Variants in ABLIM1 observed in about 807,000 individuals in gnomAD.
ABLIM1 encodes the protein actin binding LIM protein 1, also known as actin-binding LIM protein 1.
Under a neutral mutation model 107.0 loss-of-function variants are expected in ABLIM1, and 40 were observed. The observed-to-expected ratio is 0.37, with a 90% CI of 0.29 to 0.49. The LOEUF (loss-of-function observed/expected upper bound fraction) is 0.49. ABLIM1 is among the 20% of genes least tolerant of loss of function. ABLIM1 has a pLI of 0.97. For missense variants in ABLIM1, 857 were observed against 1,008.5 expected (o/e 0.85, Z 2.04); for synonymous variants, 357 against 357.3 (o/e 1.00, Z 0.01).
chr10:114,686,986 A>G (rs2080956275), upstream of ABLIM1, among the ~76,000 whole-genome samples: 1 of 152,212 alleles, frequency 6.6e-6, no homozygotes, highest in African/African-American at 2.4e-5. Flanking sequence ...TTTTGAAATC[A>G]GAGACACGGT....
At chr10:114,491,012 G>GTGTGTGTGTGTGTGTGTATATATA in intron 7 of ABLIM1, among the ~76,000 whole-genome samples, 8 of 92,384 alleles carry the variant, frequency 8.7e-5, no homozygotes, top group African/African-American at 3.7e-4. Context: ...GTGTGTGTGT[G>GTGTGTGTGTGTGTGTGTATATATA]TATATATATA....
chr10:114,460,070 G>T (rs189489869), intron 12 of ABLIM1, among the ~76,000 whole-genome samples: 4 of 152,268 alleles, frequency 2.6e-5, no homozygotes, highest in Non-Finnish European at 5.9e-5. Flanking sequence ...CTGGCTAAAA[G>T]GGATGAAAAA....
chr10:114,450,683 C>A (rs2061735335), intron 14 of ABLIM1, among the ~76,000 whole-genome samples: 1 of 152,004 alleles, frequency 6.6e-6, no homozygotes, highest in Admixed American at 6.6e-5. Flanking sequence ...CTCAAATGAT[C>A]CACCTGCCTC....
intron 1 of ABLIM1, among the ~76,000 whole-genome samples, chr10:114,694,677 T>C (rs2081158497): frequency 6.6e-6 from 1 of 152,044 alleles, no homozygotes; most frequent in Admixed American, 6.6e-5. Flanking sequence ...TTATTATTCT[T>C]TAAACAAGAA....
chr10:114,615,374 T>A (rs1278728966), intron 1 of ABLIM1, among the ~76,000 whole-genome samples: 1 of 152,116 alleles, frequency 6.6e-6, no homozygotes, highest in Non-Finnish European at 1.5e-5. Context: ...CCCAGCTCCC[T>A]CTCCTCCTTC....
chr10:114,439,133 T>G (rs1362089152), intron 21 of ABLIM1, 43 bp downstream of exon 21: 1 of 1,604,530 alleles, frequency 6.2e-7, no homozygotes, highest in Admixed American at 1.7e-5. Context: ...TGTTTAGGGT[T>G]ACGCCATTCC....
intron 1 of ABLIM1, among the ~76,000 whole-genome samples, chr10:114,752,633 C>T (rs536882801): frequency 1.3e-5 from 2 of 152,164 alleles, no homozygotes; most frequent in Non-Finnish European, 2.9e-5. Flanking sequence ...TTGTTCCCTT[C>T]CCTGTGTCTA....
chr10:114,478,959 T>G (rs767561883), intron 8 of ABLIM1, among the ~76,000 whole-genome samples: 20 of 152,248 alleles, frequency 1.3e-4, no homozygotes, highest in Non-Finnish European at 2.4e-4. Context: ...AAAACACATC[T>G]ATGTATTTTA....
chr10:114,687,664 T>C (rs528346144), upstream of ABLIM1, among the ~76,000 whole-genome samples: 5 of 152,322 alleles, frequency 3.3e-5, no homozygotes, highest in East Asian at 9.7e-4. Context: ...CTTACCACCA[T>C]GTAATTTATG....
the ABLIM1 span, among the ~76,000 whole-genome samples, chr10:114,799,370 T>G: frequency 2.0e-4 from 30 of 152,182 alleles, no homozygotes; most frequent in Admixed American, 1.8e-3. Flanking sequence ...TCATTTATAT[T>G]TCCACACTGA....
intron 6 of ABLIM1, among the ~76,000 whole-genome samples, chr10:114,523,444 G>T (rs1421041424): frequency 6.6e-6 from 1 of 152,114 alleles, no homozygotes; most frequent in Non-Finnish European, 1.5e-5. Context: ...TTCAACTGGC[G>T]AGTTTTCTTA....
intron 8 of ABLIM1, among the ~76,000 whole-genome samples, chr10:114,477,136 T>A (rs1257120408): frequency 6.6e-6 from 1 of 152,184 alleles, no homozygotes; most frequent in Non-Finnish European, 1.5e-5. Context: ...CCCAAGCATT[T>A]AAGCCCTGCA....
chr10:114,601,862 G>A lies in ABLIM1; in HGVS notation c.344C>T (p.Thr115Ile). The change falls in exon 2 of 23, where the codon ACC (threonine) becomes ATC (isoleucine). Residue 115 changes from threonine to isoleucine, a missense_variant. By Grantham distance (89) the Thr-to-Ile change is moderately conservative. Coordinates refer to ENST00000533213, the MANE Select transcript of ABLIM1 (RefSeq NM_002313.7). Reference sequence around the variant, plus strand: ...GAAACACTTGATGTGGAAATGTTTGGTCTGGACCCGAAGCACTTCACCCTT... The same window carrying A: ...GAAACACTTGATGTGGAAATGTTTGATCTGGACCCGAAGCACTTCACCCTT... ...PCKGEVLRVQTKHFHIKCFTC... is the reference protein window; with the variant it reads ...PCKGEVLRVQIKHFHIKCFTC... 8 of 1,614,162 alleles carry A rather than the reference G, an allele frequency of 5.0e-6. No individual in the cohort carries two copies. Among genetic ancestry groups the A allele is most frequent in the Non-Finnish European group, 6.8e-6 (8 of 1,180,014 alleles).
chr10:114,781,662 G>GTATA, the ABLIM1 span, among the ~76,000 whole-genome samples: 135 of 23,028 alleles, frequency 5.9e-3, no homozygotes, highest in African/African-American at 0.019. Context: ...ATATATATGC[G>GTATA]TGTATATATA....
At chr10:114,751,674 C>G (rs557679583) in intron 1 of ABLIM1, among the ~76,000 whole-genome samples, 1 of 150,702 alleles carries the variant, frequency 6.6e-6, no homozygotes, top group Non-Finnish European at 1.5e-5. Flanking sequence ...CACCTGAACC[C>G]AGGAAGTGGA....
chr10:114,632,775 C>A, intron 1 of ABLIM1: 7 of 985,364 alleles, frequency 7.1e-6, no homozygotes, highest in Non-Finnish European at 8.4e-6. Flanking sequence ...TTAGACAAGC[C>A]CCTTGGATGT....
At chr10:114,485,151 T>C (rs2057998722) in intron 8 of ABLIM1, 1 of 524,384 alleles carries the variant, frequency 1.9e-6, no homozygotes, top group Non-Finnish European at 3.3e-6. Context: ...CCAGAGTCAG[T>C]GTGAGAGGCG....
intron 7 of ABLIM1, among the ~76,000 whole-genome samples, chr10:114,491,008 G>A (rs200169013): frequency 0.56 from 47,890 of 86,176 alleles, 10,775 homozygotes; most frequent in Middle Eastern, 0.63. Flanking sequence ...GTGTGTGTGT[G>A]TGTGTATATA....
In ABLIM1 at chr10:114,512,230, G is replaced by A. The variant is rs116021249; in HGVS notation, c.895-20352C>T. On this transcript the variant is annotated intron_variant, in intron 6 of 22. Transcript: ENST00000533213. ...GTGCGTAAAAAGGGCTGAAATTAGC[G>A]AACTGGGGAAAGAAAATGTGTTACA... Among the ~76,000 whole-genome samples the A allele has an allele frequency of 5.4e-3, 825 of 152,280 alleles. 7 individuals carry two copies. Among genetic ancestry groups the A allele is most frequent in the African/African-American group, 0.019 (780 of 41,546 alleles).
Sources: gnomAD v4.1 joint callset for allele counts (sites outside exome capture counted in the v4.1 genomes callset) on GRCh38, gnomAD v4.1.1 for gene constraint, MANE v1.5 for transcripts, NCBI Gene and HGNC (gene_info 2026-07-23, HGNC 2026-07-21) for gene names.